ZDHHC15: variants seen among roughly 807,000 people sequenced by gnomAD.
The protein encoded by ZDHHC15 is palmitoyltransferase ZDHHC15.
In ZDHHC15, 19 loss-of-function variants were observed where a neutral mutation model predicts 31.7. The observed-to-expected ratio is 0.60, with a 90% CI of 0.42 to 0.88. The LOEUF (loss-of-function observed/expected upper bound fraction) is 0.88, where lower values mean the gene tolerates loss of function less well. Among genes scored for constraint, ZDHHC15 ranks in the 40% least tolerant of loss-of-function variants. The pLI, the probability that ZDHHC15 is intolerant of heterozygous loss-of-function variation, is 0.00. For missense variants in ZDHHC15, 209 were observed against 251.2 expected (o/e 0.83, Z 1.14); for synonymous variants, 103 against 90.0 (o/e 1.14, Z -0.82).
intron 3 of ZDHHC15, among the ~76,000 whole-genome samples, chrX:75,456,502 T>A (rs1366981985): frequency 9.1e-6 from 1 of 110,306 alleles, no homozygotes; most frequent in Non-Finnish European, 1.9e-5. Context: ...TAAAGTATAA[T>A]AATCAAAAAC....
chrX:75,513,647 C>T (rs896503982), intron 1 of ZDHHC15, among the ~76,000 whole-genome samples: 13 of 110,983 alleles, frequency 1.2e-4, no homozygotes, highest in East Asian at 2.8e-4. Context: ...ATACACATAA[C>T]GGGGCTTCCA....
At chrX:75,375,365 G>T (rs1308750599) in intron 11 of ZDHHC15, among the ~76,000 whole-genome samples, 2 of 112,077 alleles carry the variant, frequency 1.8e-5, no homozygotes, top group Non-Finnish European at 3.8e-5. Flanking sequence ...TTTCTATTTT[G>T]TTGATTGTTT....
intron 10 of ZDHHC15, among the ~76,000 whole-genome samples, chrX:75,405,516 C>T (rs2083402103): frequency 1.8e-5 from 2 of 111,502 alleles, no homozygotes; most frequent in Non-Finnish European, 3.8e-5. Flanking sequence ...TCAGGAGTAA[C>T]TTACTCATAT....
intron 3 of ZDHHC15, among the ~76,000 whole-genome samples, chrX:75,474,524 A>ATATATATATATAATCCCCTT (rs1569349170): frequency 8.0e-3 from 113 of 14,120 alleles, no homozygotes; most frequent in Non-Finnish European, 0.028. Context: ...ATATGTGTGT[A>ATATATATATATAATCCCCTT]TATATATATA....
intron 4 of ZDHHC15, among the ~76,000 whole-genome samples, chrX:75,444,466 C>T (rs768361480): frequency 0.013 from 666 of 50,711 alleles, 12 homozygotes; most frequent in African/African-American, 0.061. Context: ...CAGGGCCTGT[C>T]GTGGGGTGGG....
intron 1 of ZDHHC15, among the ~76,000 whole-genome samples, chrX:75,511,696 T>G (rs768490598): frequency 7.3e-4 from 76 of 104,507 alleles, no homozygotes; most frequent in South Asian, 1.9e-3. Flanking sequence ...ACAGCCGAAT[T>G]CTACCAGAGG....
chrX:75,375,416 A>ATTAG (rs1414918908), intron 11 of ZDHHC15, among the ~76,000 whole-genome samples: 1 of 111,956 alleles, frequency 8.9e-6, no homozygotes, highest in Non-Finnish European at 1.9e-5. Context: ...TTTGAAAATA[A>ATTAG]TTTCATCTTT....
intron 4 of ZDHHC15, among the ~76,000 whole-genome samples, chrX:75,443,296 C>T (rs1004578710): frequency 9.1e-6 from 1 of 110,210 alleles, no homozygotes; most frequent in Admixed American, 9.6e-5. Flanking sequence ...CAGAACAGAG[C>T]CCTCAGAAAT....
At chrX:75,454,654 TGGTTTTGATTTGGGACAA>T (rs1391217451) in intron 3 of ZDHHC15, among the ~76,000 whole-genome samples, 2 of 111,937 alleles carry the variant, frequency 1.8e-5, no homozygotes, top group African/African-American at 6.5e-5. Context: ...TATCTCATTG[TGGTTTTGATTTGGGACAA>T]GTTAACGGGT....
chrX:75,521,950 G>A (rs1196427683), intron 1 of ZDHHC15, among the ~76,000 whole-genome samples: 2 of 111,014 alleles, frequency 1.8e-5, no homozygotes, highest in Non-Finnish European at 3.8e-5. Context: ...GATAAATTAC[G>A]GAAACCCTTG....
intron 6 of ZDHHC15, among the ~76,000 whole-genome samples, chrX:75,429,419 G>A (rs1191754932): frequency 9.0e-6 from 1 of 111,265 alleles, no homozygotes. Flanking sequence ...GAAACACCTG[G>A]CCTGCCTAAT....
At chrX:75,478,094 C>T (rs2084634704) in intron 3 of ZDHHC15, among the ~76,000 whole-genome samples, 1 of 111,659 alleles carries the variant, frequency 9.0e-6, no homozygotes, top group African/African-American at 3.3e-5. Context: ...AGAGTAGTTA[C>T]ACATTACAAA....
chrX:75,478,876 A>G lies in ZDHHC15; in HGVS notation c.258+15T>C. 8.7e-7 allele frequency: 1 copy of G among 1,155,459 alleles called. No homozygotes were observed. The highest frequency in any genetic ancestry group is 1.2e-6 in the Non-Finnish European group (1 of 849,673). On this transcript the variant is annotated intron_variant, in intron 3 of 11. Coordinates refer to ENST00000373367, the MANE Select transcript of ZDHHC15 (RefSeq NM_144969.3). Reference sequence around the variant, plus strand: ...TTTCTGTTCTTATCCTTTAAGAAGTAACCAATATTCTTACCTTCTGGTTTG... The same window carrying G: ...TTTCTGTTCTTATCCTTTAAGAAGTGACCAATATTCTTACCTTCTGGTTTG...
intron 2 of ZDHHC15, among the ~76,000 whole-genome samples, chrX:75,492,069 T>C (rs1209097571): frequency 9.0e-6 from 1 of 111,143 alleles, no homozygotes; most frequent in East Asian, 2.8e-4. Context: ...GAGACACATA[T>C]AGGCTCAAAA....
chrX:75,416,956 A>G (rs2083555611), intron 10 of ZDHHC15, 131 bp downstream of exon 10: 1 of 463,448 alleles, frequency 2.2e-6, no homozygotes, highest in African/African-American at 2.4e-5. Flanking sequence ...AAATATGGCC[A>G]TACTTGCTCT....
At chrX:75,404,527 A>G (rs1054084083) in intron 10 of ZDHHC15, among the ~76,000 whole-genome samples, 2 of 112,075 alleles carry the variant, frequency 1.8e-5, no homozygotes, top group Non-Finnish European at 3.8e-5. Context: ...AGGTAAATTT[A>G]CAAGAGAGAA....
rs377662429 is a variant in ZDHHC15, at chrX:75,480,923, T to C, written c.164-1938A>G. 7.2e-5 allele frequency among the ~76,000 whole-genome samples: 8 copies of C among 111,416 alleles called. No individual in the cohort carries two copies. The East Asian group carries it at 1.7e-3, about 24-fold the overall frequency. On this transcript the variant is annotated intron_variant, in intron 2 of 11. Coordinates refer to ENST00000373367, the MANE Select transcript of ZDHHC15 (RefSeq NM_144969.3). ...TACTGCCAAACTGCCATTAAGAATA[T>C]TTGTATTTAATTTATATTCTCATCA...
At chrX:75,415,503 C>T (rs1015218958) in intron 10 of ZDHHC15, among the ~76,000 whole-genome samples, 1 of 112,205 alleles carries the variant, frequency 8.9e-6, no homozygotes, top group Non-Finnish European at 1.9e-5. Flanking sequence ...CATGCAATCA[C>T]AGCACTGTGT....
chrX:75,478,632 G>A (rs1241565977), intron 3 of ZDHHC15, among the ~76,000 whole-genome samples: 3 of 111,407 alleles, frequency 2.7e-5, no homozygotes, highest in Non-Finnish European at 5.7e-5. Flanking sequence ...TCCCACCTCA[G>A]CCTCCAAAAT....
Sources: allele counts gnomAD v4.1 joint callset (sites outside exome capture counted in the v4.1 genomes callset), GRCh38; gene constraint gnomAD v4.1.1; transcripts MANE v1.5; gene names NCBI Gene and HGNC (gene_info 2026-07-23, HGNC 2026-07-21).